The following EYA2 variants were observed in gnomAD, a reference collection of about 807,000 sequenced individuals.
EYA2 encodes the protein protein phosphatase EYA2.
EYA2 carries 31 observed loss-of-function variants against 69.2 expected under a neutral mutation model. The observed-to-expected ratio is 0.45, with a 90% CI of 0.34 to 0.60. EYA2 has a LOEUF of 0.60. Among genes scored for constraint, EYA2 ranks in the 20% least tolerant of loss-of-function variants. The pLI, the probability that EYA2 is intolerant of heterozygous loss-of-function variation, is 0.02. For synonymous variants in EYA2, 257 were observed against 279.4 expected, an observed-to-expected ratio of 0.92 and a Z score of 0.80; for missense variants, 622 against 701.2, an observed-to-expected ratio of 0.89 and a Z score of 1.28.
intron 1 of EYA2, among the ~76,000 whole-genome samples, chr20:46,959,443 C>T (rs1367054920): frequency 6.6e-6 from 1 of 152,136 alleles, no homozygotes; most frequent in Non-Finnish European, 1.5e-5. Flanking sequence ...CCAGACATTG[C>T]CAAGTGTTCT....
At position 46,970,068 on chromosome 20, in the gene EYA2, A is replaced by G. The variant is rs901583934; in HGVS notation, c.-10-19933A>G. Among the ~76,000 whole-genome samples, 4 of 152,222 alleles carry G rather than the reference A, an allele frequency of 2.6e-5. 1 individual carries two copies. The highest frequency in any genetic ancestry group is 9.6e-5 in the African/African-American group (4 of 41,466). On this transcript the variant is annotated intron_variant, in intron 1 of 15. Coordinates refer to ENST00000327619, the MANE Select transcript of EYA2 (RefSeq NM_005244.5). ...ATCTTCTGACCTGAGGCATAATATTAAAACATAGATCAACTCAAAGGGTCT... is the reference window on the plus strand; with the variant it reads ...ATCTTCTGACCTGAGGCATAATATTGAAACATAGATCAACTCAAAGGGTCT...
intron 1 of EYA2, among the ~76,000 whole-genome samples, chr20:46,945,242 G>T (rs1280066196): frequency 1.3e-5 from 2 of 152,320 alleles, no homozygotes; most frequent in Non-Finnish European, 2.9e-5. Flanking sequence ...CATAGCAGAG[G>T]TATTGTGGAT....
At chr20:47,131,612 A>C (rs1468548090) in intron 9 of EYA2, among the ~76,000 whole-genome samples, 1 of 152,142 alleles carries the variant, frequency 6.6e-6, no homozygotes, top group Non-Finnish European at 1.5e-5. Context: ...GGGTGGTCAA[A>C]GTGGGCGGTA....
At chr20:47,176,093 T>G (rs1274730914) in intron 12 of EYA2, among the ~76,000 whole-genome samples, 2 of 150,030 alleles carry the variant, frequency 1.3e-5, no homozygotes, top group Non-Finnish European at 3.0e-5. Context: ...TTTTTTTTTT[T>G]TTTTGAGATG....
intron 7 of EYA2, among the ~76,000 whole-genome samples, chr20:47,078,322 C>CGT (rs1205839508): frequency 8.1e-5 from 7 of 86,474 alleles, no homozygotes; most frequent in African/African-American, 2.5e-4. Flanking sequence ...TGCACGTGCG[C>CGT]GCGCGCGCGC....
chr20:47,167,225 C>T (rs76927036), intron 10 of EYA2, among the ~76,000 whole-genome samples: 193 of 151,552 alleles, frequency 1.3e-3, no homozygotes, highest in African/African-American at 4.5e-3. Flanking sequence ...ACAACACACA[C>T]GTGTCCTCTT....
intron 10 of EYA2, among the ~76,000 whole-genome samples, chr20:47,166,485 A>G (rs905772570): frequency 6.8e-6 from 1 of 147,054 alleles, no homozygotes; most frequent in African/African-American, 2.5e-5. Flanking sequence ...TGTTGCAAAT[A>G]CCCTTTCTTC....
chr20:47,163,036 C>CTTT (rs11435504), intron 10 of EYA2, among the ~76,000 whole-genome samples: 4 of 146,536 alleles, frequency 2.7e-5, no homozygotes, highest in African/African-American at 1.0e-4. Flanking sequence ...GTGTATCACT[C>CTTT]TTTTTTTTTT....
At chr20:46,951,937 C>T (rs1366390138) in intron 1 of EYA2, among the ~76,000 whole-genome samples, 2 of 152,238 alleles carry the variant, frequency 1.3e-5, no homozygotes, top group Non-Finnish European at 2.9e-5. Context: ...CTCTCTCCCT[C>T]TTCCTTCCTC....
At chr20:47,089,094 G>A (rs2031988954) in intron 7 of EYA2, 145 bp from the exon 8 acceptor site, 3 of 867,816 alleles carry the variant, frequency 3.5e-6, no homozygotes, top group Admixed American at 2.7e-5. Context: ...ACTTCCAAGG[G>A]CAGTTTTCAT....
At chr20:47,097,223 A>G (rs1600706617) in intron 9 of EYA2, 55 bp downstream of exon 9, 3 of 1,395,662 alleles carry the variant, frequency 2.1e-6, no homozygotes, top group East Asian at 4.7e-5. Context: ...GTTATTGTCC[A>G]GCCAGTTTGT....
At chr20:46,943,789 A>C (rs1266061444) in intron 1 of EYA2, among the ~76,000 whole-genome samples, 2 of 152,106 alleles carry the variant, frequency 1.3e-5, no homozygotes, top group South Asian at 2.1e-4. Flanking sequence ...AGGGAAACTT[A>C]CCCCATGTTT....
At chr20:46,948,124 G>A (rs374834176) in intron 1 of EYA2, among the ~76,000 whole-genome samples, 9 of 112,352 alleles carry the variant, frequency 8.0e-5, no homozygotes, top group Non-Finnish European at 1.2e-4. Flanking sequence ...AAAAAAAAAA[G>A]AAAAAGAAAA....
At chr20:47,087,984 TG>T (rs1309833832) in intron 7 of EYA2, among the ~76,000 whole-genome samples, 2 of 152,214 alleles carry the variant, frequency 1.3e-5, no homozygotes, top group East Asian at 3.8e-4. Context: ...CCCAGCACTT[TG>T]GGAGGCCGAG....
chr20:47,056,419 T>A (rs79956117), intron 5 of EYA2, among the ~76,000 whole-genome samples: 2,344 of 152,220 alleles, frequency 0.015, 43 homozygotes, highest in African/African-American at 0.053. Context: ...TTTTTTTAAA[T>A]GACAAATTGG....
chr20:47,037,854 C>T (rs1311113130), intron 5 of EYA2, among the ~76,000 whole-genome samples: 1 of 152,144 alleles, frequency 6.6e-6, no homozygotes, highest in African/African-American at 2.4e-5. Context: ...CCTAATTTCC[C>T]TTTGCCACAC....
chr20:47,006,261 C>G (rs1982707719), intron 4 of EYA2, among the ~76,000 whole-genome samples: 1 of 152,214 alleles, frequency 6.6e-6, no homozygotes, highest in African/African-American at 2.4e-5. Context: ...ACATGTCCAC[C>G]CGCAGGACCA....
intron 2 of EYA2, among the ~76,000 whole-genome samples, chr20:47,000,883 T>A (rs1982325531): frequency 6.6e-6 from 1 of 151,894 alleles, no homozygotes; most frequent in African/African-American, 2.4e-5. Flanking sequence ...GGACTGGAAG[T>A]GAGGAGGCAG....
intron 1 of EYA2, among the ~76,000 whole-genome samples, chr20:46,976,850 T>C (rs1484549586): frequency 6.6e-6 from 1 of 152,192 alleles, no homozygotes; most frequent in Non-Finnish European, 1.5e-5. Context: ...CAGTTTTTCC[T>C]TGGGGTATCA....
Sources: gnomAD v4.1 joint callset for allele counts (sites outside exome capture counted in the v4.1 genomes callset) on GRCh38, gnomAD v4.1.1 for gene constraint, MANE v1.5 for transcripts, NCBI Gene and HGNC (gene_info 2026-07-23, HGNC 2026-07-21) for gene names.